The following SMAD2 variants were observed in gnomAD, a reference collection of about 807,000 sequenced individuals.
SMAD2 encodes SMAD family member 2.
In SMAD2, 8 loss-of-function variants were observed where a neutral mutation model predicts 64.4. The ratio of observed to expected loss-of-function variants is 0.12; its 90% CI spans 0.07 to 0.22. SMAD2 has a LOEUF of 0.22. SMAD2 is among the 10% of genes least tolerant of loss of function. The probability of loss-of-function intolerance (pLI) is 1.00; values close to 1 mark genes in which losing one functional copy is unlikely to be tolerated. For missense variants in SMAD2, 289 were observed against 561.2 expected (o/e 0.51, Z 4.90); for synonymous variants, 203 against 195.8 (o/e 1.04, Z -0.31).
At chr18:47,863,024 G>A (rs1275942406) in intron 6 of SMAD2, among the ~76,000 whole-genome samples, 3 of 151,372 alleles carry the variant, frequency 2.0e-5, no homozygotes, top group Non-Finnish European at 2.9e-5. Context: ...GTGCTTGTTC[G>A]TACACTTACT....
intron 2 of SMAD2, among the ~76,000 whole-genome samples, chr18:47,885,508 CAT>C (rs2032854941): frequency 6.6e-6 from 1 of 151,956 alleles, no homozygotes; most frequent in African/African-American, 2.4e-5. Flanking sequence ...AAAATAGTAA[CAT>C]AAATGACAAA....
At chr18:47,850,206 ATTAT>A (rs1568039739) in intron 7 of SMAD2, among the ~76,000 whole-genome samples, 1 of 93,866 alleles carries the variant, frequency 1.1e-5, no homozygotes, top group African/African-American at 4.2e-5. Flanking sequence ...GTATATATAT[ATTAT>A]TATATATATG....
At chr18:47,886,657 G>T (rs993000423) in intron 2 of SMAD2, among the ~76,000 whole-genome samples, 1 of 151,842 alleles carries the variant, frequency 6.6e-6, no homozygotes, top group Admixed American at 6.6e-5. Flanking sequence ...AAAGGCTGGG[G>T]TGAAGGAGTT....
chr18:47,878,671 G>T (rs1184040259), intron 2 of SMAD2, among the ~76,000 whole-genome samples: 2 of 152,028 alleles, frequency 1.3e-5, no homozygotes, highest in African/African-American at 4.8e-5. Flanking sequence ...TTTTGGAGAG[G>T]AATATCTCAG....
chr18:47,897,630 TA>T (rs1385629024), intron 1 of SMAD2, among the ~76,000 whole-genome samples: 1 of 152,218 alleles, frequency 6.6e-6, no homozygotes, highest in Non-Finnish European at 1.5e-5. Flanking sequence ...ATCTTGAAAT[TA>T]TTTTTTTATT....
chr18:47,923,327 T>C (rs757773509), intron 1 of SMAD2, among the ~76,000 whole-genome samples: 9 of 152,164 alleles, frequency 5.9e-5, no homozygotes, highest in Non-Finnish European at 1.2e-4. Flanking sequence ...CCACGTCAAT[T>C]CACGTGAGTG....
rs572944241 is a variant in SMAD2, at chr18:47,922,560, G to A, written c.-54+7801C>T. 3.3e-5 allele frequency: 5 copies of A among 152,098 alleles called. No individual in the cohort carries two copies. The East Asian group carries it at 7.7e-4, about 23-fold the overall frequency. 9.4% of individuals were successfully genotyped at this position (152,098 alleles called of 1,614,324 possible). Reference sequence around the variant, plus strand: ...CAAATTCTACACCATTTTATACAAGGGACTTCAGCGTTCTCATATTCTGGT... The same window carrying A: ...CAAATTCTACACCATTTTATACAAGAGACTTCAGCGTTCTCATATTCTGGT... On this transcript the variant is annotated intron_variant, in intron 1 of 10. Transcript: ENST00000262160.
intron 2 of SMAD2, among the ~76,000 whole-genome samples, chr18:47,872,711 T>G (rs1046742050): frequency 2.0e-5 from 3 of 152,086 alleles, no homozygotes; most frequent in African/African-American, 7.2e-5. Context: ...ATGCGAGGGC[T>G]TTAGGCTGGG....
At position 47,845,718 on chromosome 18, in the gene SMAD2, G is replaced by A. The variant is rs1344676313; in HGVS notation, c.1080C>T (p.Pro360=). ...GCCAGCCATATCTCTGATTACAATT[G>A]GGGCTCTGCACAAAGATTGCACTAT... ...LSDSAIFVQS[P]NCNQRYGWHP... is the part of the protein sequence containing the mutation. The change falls in exon 9 of 11, where the codon CCC becomes CCT. Residue 360 remains proline, a synonymous_variant. Coordinates refer to ENST00000262160, the MANE Select transcript of SMAD2 (RefSeq NM_005901.6). The A allele has an allele frequency of 6.2e-7, 1 of 1,613,644 alleles. No homozygotes were observed. The highest frequency in any genetic ancestry group is 8.5e-7 in the Non-Finnish European group (1 of 1,179,812).
In SMAD2 at chr18:47,850,308, T is replaced by TATA. The variant is rs1491175886; in HGVS notation, c.784+965_784+966insTAT. ...TATATTATGTATAATATATATTATG[T>TATA]ATGTTATATACATATTATGTATAAT... On this transcript the variant is annotated intron_variant, in intron 7 of 10. Coordinates refer to ENST00000262160, the MANE Select transcript of SMAD2 (RefSeq NM_005901.6). Among the ~76,000 whole-genome samples the TATA allele has an allele frequency of 3.7e-3, 63 of 17,042 alleles. 9 individuals are homozygous for TATA. Among genetic ancestry groups the TATA allele is most frequent in the African/African-American group, 0.011 (56 of 5,182 alleles). 11.2% of individuals were successfully genotyped at this position (17,042 alleles called of 152,430 possible). A position where few individuals can be genotyped will look rare whatever the true frequency, so the allele number is the denominator to read the frequency against.
At chr18:47,909,281 T>C (rs1423635966) in intron 1 of SMAD2, among the ~76,000 whole-genome samples, 1 of 152,074 alleles carries the variant, frequency 6.6e-6, no homozygotes, top group African/African-American at 2.4e-5. Flanking sequence ...TAAAGCAAAA[T>C]TAAGGTGAAG....
In SMAD2 at chr18:47,836,401, C is replaced by T. The variant is rs926205407; in HGVS notation, c.*5426G>A. ...ATGTTAACAAATTTTGGCTGTGATTCTTAGTTACCAAGTTGCCAAAAAATG... is the reference window on the plus strand; with the variant it reads ...ATGTTAACAAATTTTGGCTGTGATTTTTAGTTACCAAGTTGCCAAAAAATG... On this transcript the variant is annotated 3_prime_UTR_variant, in exon 11 of 11. Transcript: ENST00000262160. 4.1e-5 allele frequency: 9 copies of T among 221,576 alleles called. No individual in the cohort carries two copies. Among genetic ancestry groups the T allele is most frequent in the Non-Finnish European group, 7.2e-5 (8 of 110,820 alleles). 13.7% of individuals were successfully genotyped at this position (221,576 alleles called of 1,614,324 possible).
chr18:47,922,906 T>A lies in SMAD2; in HGVS notation c.-54+7455A>T, dbSNP rs1413275152. On this transcript the variant is annotated intron_variant, in intron 1 of 10. Transcript: ENST00000262160. ...GGCCCCCATGGAGAATGATGGGTCA[T>A]GTCTTTTAAACAAAAGCAAACAGAA... Among the ~76,000 whole-genome samples the A allele has an allele frequency of 2.0e-5, 3 of 152,232 alleles. No individual in the cohort carries two copies. In the South Asian group the frequency reaches 6.2e-4, roughly 32 times the overall value.
chr18:47,850,544 A>AT lies in SMAD2; in HGVS notation c.784+729dup, dbSNP rs1915270429. 3.0e-3 allele frequency among the ~76,000 whole-genome samples: 54 copies of AT among 17,836 alleles called. 4 individuals carry two copies. The highest frequency in any genetic ancestry group is 4.8e-3 in the Non-Finnish European group (46 of 9,658). 11.7% of individuals were successfully genotyped at this position (17,836 alleles called of 152,430 possible). On this transcript the variant is annotated intron_variant, in intron 7 of 10. Coordinates refer to ENST00000262160, the MANE Select transcript of SMAD2 (RefSeq NM_005901.6). Reference sequence around the variant, plus strand: ...ATATTATGTATAATATATGTTATATATATAATATATATTATGTATAATATA... The same window carrying AT: ...ATATTATGTATAATATATGTTATATATTATAATATATATTATGTATAATATA...
intron 2 of SMAD2, among the ~76,000 whole-genome samples, chr18:47,889,223 T>C (rs2033064064): frequency 6.6e-6 from 1 of 152,172 alleles, no homozygotes; most frequent in South Asian, 2.1e-4. Flanking sequence ...TACTATTATC[T>C]CACCTCTCTC....
Position 47,835,700 on chromosome 18 carries a change from A to G in SMAD2, c.*6127T>C. 1 of 192,396 alleles carries G rather than the reference A, an allele frequency of 5.2e-6. No homozygotes were observed. Among genetic ancestry groups the G allele is most frequent in the Middle Eastern group, 1.9e-3 (1 of 538 alleles). The allele number at this position is 192,396 out of a possible 1,614,324, so 11.9% of individuals were successfully genotyped here. A position where few individuals can be genotyped will look rare whatever the true frequency, so the allele number is the denominator to read the frequency against. ...TCAAAAACTTTAAAGCCACAGAGAA[A>G]GGAAAACAATTATGAAATGGAAAAT... is the stretch of plus-strand genomic sequence containing the variant. On this transcript the variant is annotated 3_prime_UTR_variant, in exon 11 of 11. Coordinates refer to ENST00000262160, the MANE Select transcript of SMAD2 (RefSeq NM_005901.6).
At position 47,839,317 on chromosome 18, in the gene SMAD2, G is replaced by C. The variant is rs149229274; in HGVS notation, c.*2510C>G. ...ATCAGGACCTTCTACCACTTTCAGAGTTGTTTTCTGCCCCTACAACTGTTC... is the reference window on the plus strand; with the variant it reads ...ATCAGGACCTTCTACCACTTTCAGACTTGTTTTCTGCCCCTACAACTGTTC... On this transcript the variant is annotated 3_prime_UTR_variant, in exon 11 of 11. Coordinates refer to ENST00000262160, the MANE Select transcript of SMAD2 (RefSeq NM_005901.6). 7.8e-3 allele frequency: 1,826 copies of C among 233,310 alleles called. 10 individuals carry two copies. Among genetic ancestry groups the C allele is most frequent in the East Asian group, 0.011 (176 of 16,708 alleles). The allele number at this position is 233,310 out of a possible 1,614,324, so 14.5% of individuals were successfully genotyped here. A position where few individuals can be genotyped will look rare whatever the true frequency, so the allele number is the denominator to read the frequency against.
intron 1 of SMAD2, among the ~76,000 whole-genome samples, chr18:47,915,270 T>G (rs2034289151): frequency 1.3e-5 from 2 of 152,226 alleles, no homozygotes; most frequent in African/African-American, 4.8e-5. Flanking sequence ...TTAACAGTTT[T>G]GCTACATATT....
At chr18:47,877,755 A>G (rs1568074065) in intron 2 of SMAD2, among the ~76,000 whole-genome samples, 1 of 152,114 alleles carries the variant, frequency 6.6e-6, no homozygotes, top group African/African-American at 2.4e-5. Flanking sequence ...GGTGCAAATG[A>G]TTTTTTAAGT....
Sources: allele counts gnomAD v4.1 joint callset (sites outside exome capture counted in the v4.1 genomes callset), GRCh38; gene constraint gnomAD v4.1.1; transcripts MANE v1.5; gene names NCBI Gene and HGNC (gene_info 2026-07-23, HGNC 2026-07-21).